MOB3B: variants seen among roughly 807,000 people sequenced by gnomAD.
MOB3B encodes the protein MOB kinase activator 3B, also known as MOB kinase activator-like 2B.
A neutral mutation model predicts 18.7 loss-of-function variants in MOB3B; 7 were observed. The ratio of observed to expected loss-of-function variants is 0.37; its 90% CI spans 0.21 to 0.70. MOB3B has a LOEUF of 0.70. Ranked by LOEUF, MOB3B falls within the 30% of genes least tolerant of loss-of-function variation. The probability of loss-of-function intolerance (pLI) is 0.52; values close to 1 mark genes in which losing one functional copy is unlikely to be tolerated. For missense variants in MOB3B, 253 were observed against 281.3 expected (o/e 0.90, Z 0.72); for synonymous variants, 111 against 99.9 (o/e 1.11, Z -0.66).
chr9:27,353,784 G>C (rs1316874585), intron 3 of MOB3B, among the ~76,000 whole-genome samples: 3 of 152,116 alleles, frequency 2.0e-5, no homozygotes, highest in Non-Finnish European at 2.9e-5. Context: ...TCAGTGAAAG[G>C]CCAACAAAAC....
At chr9:27,390,561 A>T (rs550392321) in intron 2 of MOB3B, among the ~76,000 whole-genome samples, 2 of 152,180 alleles carry the variant, frequency 1.3e-5, no homozygotes, top group African/African-American at 4.8e-5. Context: ...TTTAGTTCCC[A>T]CAGGGTAACT....
At chr9:27,502,928 C>T (rs1820010089) in intron 1 of MOB3B, among the ~76,000 whole-genome samples, 1 of 152,204 alleles carries the variant, frequency 6.6e-6, no homozygotes, top group South Asian at 2.1e-4. Flanking sequence ...ACAAAGTCCT[C>T]TATTATCCTG....
chr9:27,409,255 G>A (rs776101457), intron 2 of MOB3B, among the ~76,000 whole-genome samples: 36 of 152,214 alleles, frequency 2.4e-4, no homozygotes, highest in Non-Finnish European at 4.3e-4. Flanking sequence ...CCCTTGTGGA[G>A]CTGACTTCCT....
chr9:27,489,255 A>C (rs1272388644), intron 1 of MOB3B, among the ~76,000 whole-genome samples: 4 of 152,196 alleles, frequency 2.6e-5, no homozygotes, highest in Non-Finnish European at 5.9e-5. Context: ...TCTCAACTAC[A>C]CATAGAAATC....
At chr9:27,338,143 A>C (rs1820889365) in intron 3 of MOB3B, among the ~76,000 whole-genome samples, 1 of 151,988 alleles carries the variant, frequency 6.6e-6, no homozygotes, top group Non-Finnish European at 1.5e-5. Context: ...ATGACTTGCA[A>C]GGACTTCTGG....
At chr9:27,528,511 G>A (rs1170305087) in intron 1 of MOB3B, among the ~76,000 whole-genome samples, 1 of 152,212 alleles carries the variant, frequency 6.6e-6, no homozygotes, top group African/African-American at 2.4e-5. Context: ...CTTTCCCTCC[G>A]CCCTCTAACC....
At chr9:27,336,951 G>A (rs1049202532) in intron 3 of MOB3B, among the ~76,000 whole-genome samples, 2 of 152,304 alleles carry the variant, frequency 1.3e-5, no homozygotes, top group African/African-American at 4.8e-5. Flanking sequence ...GGAAAAGGCC[G>A]TCAAAGGGTA....
chr9:27,382,717 GATATATAT>G (rs57101091), intron 2 of MOB3B, among the ~76,000 whole-genome samples: 1 of 148,054 alleles, frequency 6.8e-6, no homozygotes, highest in East Asian at 2.0e-4. Context: ...AGGTGAAGGT[GATATATAT>G]ATATATATAT....
At chr9:27,432,193 C>T (rs752892582) in intron 2 of MOB3B, among the ~76,000 whole-genome samples, 1 of 152,068 alleles carries the variant, frequency 6.6e-6, no homozygotes, top group Non-Finnish European at 1.5e-5. Flanking sequence ...CAGTCATTTC[C>T]ATAAAACCTA....
At chr9:27,426,256 T>A (rs149732299) in intron 2 of MOB3B, among the ~76,000 whole-genome samples, 1 of 152,182 alleles carries the variant, frequency 6.6e-6, no homozygotes, top group African/African-American at 2.4e-5. Context: ...AATAAAGTCA[T>A]GTACATTGAG....
intron 1 of MOB3B, among the ~76,000 whole-genome samples, chr9:27,468,513 C>T (rs909135449): frequency 7.2e-5 from 11 of 152,276 alleles, no homozygotes; most frequent in East Asian, 3.9e-4. Context: ...GCAAGAAGGA[C>T]GGGATGGCTG....
intron 2 of MOB3B, 151 bp from the exon 3 acceptor site, chr9:27,359,387 G>GT: frequency 1.6e-6 from 1 of 614,622 alleles, no homozygotes; most frequent in African/African-American, 1.8e-5. Context: ...GTGGGGGGGG[G>GT]GGGTTGGTAG....
rs1387406561 is a variant in MOB3B, at chr9:27,329,900, C to T, written c.*687G>A. 2.0e-5 allele frequency: 3 copies of T among 152,494 alleles called. No homozygotes were observed. The highest frequency in any genetic ancestry group is 6.5e-5 in the Admixed American group (1 of 15,280). The allele number at this position is 152,494 out of a possible 1,614,324, so 9.4% of individuals were successfully genotyped here. On this transcript the variant is annotated 3_prime_UTR_variant, in exon 4 of 4. Transcript: ENST00000262244. ...ACCAGTCTCTTCCCTGCAGTTAGAACGTGAAGACCCTGTTTGGGGCAGAGA... is the reference window on the plus strand; with the variant it reads ...ACCAGTCTCTTCCCTGCAGTTAGAATGTGAAGACCCTGTTTGGGGCAGAGA...
chr9:27,397,064 T>C (rs1367674798), intron 2 of MOB3B: 3 of 152,208 alleles, frequency 2.0e-5, no homozygotes, highest in Non-Finnish European at 2.9e-5. Flanking sequence ...TTTCTTTGTG[T>C]AGTGGAAAAG....
At chr9:27,448,256 A>G (rs1368430951) in intron 2 of MOB3B, among the ~76,000 whole-genome samples, 2 of 152,214 alleles carry the variant, frequency 1.3e-5, no homozygotes, top group African/African-American at 4.8e-5. Context: ...CTCATCTGTG[A>G]AATGGAAATT....
At chr9:27,390,684 G>C (rs1287278164) in intron 2 of MOB3B, among the ~76,000 whole-genome samples, 1 of 152,116 alleles carries the variant, frequency 6.6e-6, no homozygotes, top group Non-Finnish European at 1.5e-5. Context: ...GAGAGACTAA[G>C]GGCGGAGAAC....
rs75643010 is a variant in MOB3B at position 27,461,352 on chromosome 9, G to A, written c.-198-5604C>T. On this transcript the variant is annotated intron_variant, in intron 1 of 3. Transcript: ENST00000262244. The stretch of plus-strand genomic sequence containing the variant: ...GCACTGTTTACCTTATGCCTACTTA[G>A]TAGGTGCCATCTTTGCCCACAGGAC... 2.2e-4 allele frequency among the ~76,000 whole-genome samples: 34 copies of A among 152,318 alleles called. No homozygotes were observed. The East Asian group carries it at 6.6e-3, about 29-fold the overall frequency.
chr9:27,501,722 G>C (rs1925240), intron 1 of MOB3B, among the ~76,000 whole-genome samples: 1 of 147,966 alleles, frequency 6.8e-6, no homozygotes, highest in Admixed American at 6.7e-5. Flanking sequence ...AGCCAAGATC[G>C]CCCCACTGCA....
rs747081838 is a variant in MOB3B, at chr9:27,359,160, G to A, written c.495C>T (p.Val165=). The part of the protein sequence containing the change: ...LCRLFRVFVH[V]YIHHFDRVIV... ...TGACCCGGTCGAAGTGGTGGATATA[G>A]ACGTGGACAAAGACCCGGAAAAGGC... The change falls in exon 3 of 4, where the codon GTC becomes GTT. Residue 165 remains valine, a synonymous_variant. Transcript: ENST00000262244. 2.5e-6 allele frequency: 4 copies of A among 1,614,168 alleles called. No individual in the cohort carries two copies. The South Asian group carries it at 4.4e-5, about 18-fold the overall frequency.
Sources: gnomAD v4.1 joint callset for allele counts (sites outside exome capture counted in the v4.1 genomes callset) on GRCh38, gnomAD v4.1.1 for gene constraint, MANE v1.5 for transcripts, NCBI Gene and HGNC (gene_info 2026-07-23, HGNC 2026-07-21) for gene names.